Variants in BAZ2B observed in about 807,000 individuals in gnomAD.
BAZ2B encodes bromodomain adjacent to zinc finger domain protein 2B.
In BAZ2B, 91 loss-of-function variants were observed where a neutral mutation model predicts 246.0. That is an observed-to-expected ratio of 0.37 (90% CI 0.31 to 0.44). The LOEUF is 0.44. Among genes scored for constraint, BAZ2B ranks in the 20% least tolerant of loss-of-function variants. The pLI is 1.00. For missense variants in BAZ2B, 2,332 were observed against 2,533.7 expected, an observed-to-expected ratio of 0.92 and a Z score of 1.71; for synonymous variants, 855 against 860.0, an observed-to-expected ratio of 0.99 and a Z score of 0.10.
chr2:159,498,857 T>C (rs1250066484), intron 2 of BAZ2B, among the ~76,000 whole-genome samples: 1 of 152,192 alleles, frequency 6.6e-6, no homozygotes, highest in African/African-American at 2.4e-5. Flanking sequence ...GTATTGGCAA[T>C]ACCCAAATAT....
chr2:159,337,146 A>G, intron 32 of BAZ2B, 69 bp from the exon 33 acceptor site: 1 of 1,524,940 alleles, frequency 6.6e-7, no homozygotes, highest in South Asian at 1.2e-5. Context: ...TGAAACAATC[A>G]TCACACTGAA....
chr2:159,636,589 C>T, the BAZ2B span, among the ~76,000 whole-genome samples: 1 of 152,064 alleles, frequency 6.6e-6, no homozygotes, highest in Non-Finnish European at 1.5e-5. Context: ...CTCTGGGGTC[C>T]CAGGTAAACT....
At chr2:159,665,916 T>G in the BAZ2B span, among the ~76,000 whole-genome samples, 1 of 152,190 alleles carries the variant, frequency 6.6e-6, no homozygotes, top group Non-Finnish European at 1.5e-5. Flanking sequence ...AATTGTAATG[T>G]GTGTGAAATG....
chr2:159,534,018 A>G (rs1472309757), intron 2 of BAZ2B, among the ~76,000 whole-genome samples: 1 of 152,232 alleles, frequency 6.6e-6, no homozygotes, highest in African/African-American at 2.4e-5. Flanking sequence ...AGAGGCCGTA[A>G]TCAAATTAAA....
At chr2:159,452,681 T>C (rs1200523481) in intron 4 of BAZ2B, among the ~76,000 whole-genome samples, 2 of 152,136 alleles carry the variant, frequency 1.3e-5, no homozygotes, top group Non-Finnish European at 2.9e-5. Context: ...TTGAAGCACG[T>C]TTGTCGAAAG....
chr2:159,654,395 A>C, the BAZ2B span, among the ~76,000 whole-genome samples: 1 of 152,270 alleles, frequency 6.6e-6, no homozygotes, highest in East Asian at 1.9e-4. Flanking sequence ...CATATTATCA[A>C]AGCATTGTGA....
chr2:159,316,188 G>T (rs2062093030), downstream of BAZ2B, among the ~76,000 whole-genome samples: 1 of 152,036 alleles, frequency 6.6e-6, no homozygotes, highest in African/African-American at 2.4e-5. Context: ...AACACAGAGG[G>T]GCTTTGCAAG....
At chr2:159,407,755 A>G (rs992836610) in intron 14 of BAZ2B, among the ~76,000 whole-genome samples, 12 of 152,214 alleles carry the variant, frequency 7.9e-5, no homozygotes, top group African/African-American at 2.7e-4. Context: ...ACCATTTTCA[A>G]TATTAGGAGG....
the BAZ2B span, among the ~76,000 whole-genome samples, chr2:159,696,250 T>C: frequency 9.2e-5 from 14 of 152,324 alleles, no homozygotes; most frequent in East Asian, 2.7e-3. Context: ...GCTTACAAGA[T>C]TCCCAGTTCA....
the BAZ2B span, among the ~76,000 whole-genome samples, chr2:159,635,970 T>C: frequency 7.9e-5 from 12 of 152,006 alleles, no homozygotes; most frequent in Admixed American, 7.9e-4. Context: ...AGTGGGAGGA[T>C]TGCTTAAGCC....
chr2:159,332,507 A>C, intron 34 of BAZ2B, 33 bp downstream of exon 34: 2 of 1,564,608 alleles, frequency 1.3e-6, no homozygotes, highest in Non-Finnish European at 1.7e-6. Context: ...AAGATAAAAT[A>C]AAATGAAAAG....
chr2:159,343,492 A>T (rs766422473), intron 31 of BAZ2B, among the ~76,000 whole-genome samples: 5 of 152,208 alleles, frequency 3.3e-5, no homozygotes, highest in Non-Finnish European at 7.3e-5. Context: ...ATTTGCAAAT[A>T]ATACATCTGA....
the BAZ2B span, among the ~76,000 whole-genome samples, chr2:159,623,017 GAAAGA>G: frequency 2.4e-5 from 3 of 125,146 alleles, 1 homozygote; most frequent in South Asian, 9.0e-4. Flanking sequence ...AACAGGAAAG[GAAAGA>G]AAAGAAGAAA....
chr2:159,534,889 G>C (rs1032374137), intron 2 of BAZ2B, among the ~76,000 whole-genome samples: 2 of 152,054 alleles, frequency 1.3e-5, no homozygotes, highest in South Asian at 4.1e-4. Context: ...TTACAGGTGT[G>C]AGCCACCACA....
At position 159,372,923 on chromosome 2, in the gene BAZ2B, T is replaced by C; in HGVS notation, c.4213+122A>G. The C allele has an allele frequency of 6.9e-6, 8 of 1,166,962 alleles. No homozygotes were observed. In the South Asian group the frequency reaches 1.2e-4, roughly 17 times the overall value. 72.3% of individuals were successfully genotyped at this position (1,166,962 alleles called of 1,614,324 possible). ...ATTATGAGTGCAAAAGGAATGAGAA[T>C]TAAGGTTTTACATGTTTACCAAACA... On this transcript the variant is annotated intron_variant, in intron 27 of 36. Coordinates refer to ENST00000392783, the MANE Select transcript of BAZ2B (RefSeq NM_013450.4).
chr2:159,539,751 G>C (rs549500974), intron 2 of BAZ2B, among the ~76,000 whole-genome samples: 1 of 152,300 alleles, frequency 6.6e-6, no homozygotes, highest in South Asian at 2.1e-4. Flanking sequence ...ACATCTTCCA[G>C]TGGCTTCTCT....
chr2:159,639,166 C>T, the BAZ2B span, among the ~76,000 whole-genome samples: 1 of 151,870 alleles, frequency 6.6e-6, no homozygotes, highest in Non-Finnish European at 1.5e-5. Context: ...CCACTTTTAC[C>T]CTAGCATTCT....
chr2:159,610,755 C>T (rs1445883252), intron 1 of BAZ2B, among the ~76,000 whole-genome samples: 2 of 151,922 alleles, frequency 1.3e-5, no homozygotes, highest in Admixed American at 6.6e-5. Context: ...ATTTTTAAAG[C>T]GTTATCTTTT....
intron 14 of BAZ2B, among the ~76,000 whole-genome samples, chr2:159,409,886 T>TTATAACAAGGGTAAACTATGTAATTG (rs2149873979): frequency 6.6e-6 from 1 of 152,292 alleles, no homozygotes; most frequent in South Asian, 2.1e-4. Flanking sequence ...ATCCAATGTA[T>TTATAACAAGGGTAAACTATGTAATTG]TATAACAAGG....
Sources: allele counts gnomAD v4.1 joint callset (sites outside exome capture counted in the v4.1 genomes callset), GRCh38; gene constraint gnomAD v4.1.1; transcripts MANE v1.5; gene names NCBI Gene and HGNC (gene_info 2026-07-23, HGNC 2026-07-21).